PRPF40B: variants seen among roughly 807,000 people sequenced by gnomAD.
The protein encoded by PRPF40B is pre-mRNA-processing factor 40 homolog B.
A neutral mutation model predicts 124.5 loss-of-function variants in PRPF40B; 56 were observed. The observed-to-expected ratio is 0.45, with a 90% confidence interval of 0.36 to 0.56. The LOEUF is 0.56. Ranked by LOEUF, PRPF40B falls within the 20% of genes least tolerant of loss-of-function variation. PRPF40B has a pLI of 0.00. For synonymous variants in PRPF40B, 443 were observed against 426.4 expected, an observed-to-expected ratio of 1.04 and a Z score of -0.48; for missense variants, 1,053 against 1,169.5, an observed-to-expected ratio of 0.90 and a Z score of 1.45.
intron 18 of PRPF40B, chr12:49,641,659 T>C (rs1942669651): frequency 2.1e-6 from 1 of 486,342 alleles, no homozygotes; most frequent in East Asian, 3.3e-5. Flanking sequence ...AACTCAGCAT[T>C]AATCAGCAGT....
Position 49,642,728 on chromosome 12 carries a change from C to A in PRPF40B, c.2118+53C>A. ...CCTCAGGCCCTTGAACTCATTAGAC[C>A]AGTTCAACAGAGACCTCAGTGGCCT... On this transcript the variant is annotated intron_variant, in intron 21 of 25. Transcript: ENST00000548825. The surrounding 1 kb of genome is among the most constrained non-coding windows in gnomAD (Gnocchi z 5.8). 1 of 1,559,620 alleles carries A rather than the reference C, an allele frequency of 6.4e-7. No homozygotes were observed. The highest frequency in any genetic ancestry group is 8.7e-7 in the Non-Finnish European group (1 of 1,143,030).
rs539002537 is a variant in PRPF40B, at chr12:49,637,118, T to C, written c.1560+269T>C. ...CAGGCATGACTTGGCAGCTAGGCCA[T>C]GTTTATTTCCCTTGGTGGGGCACCC... On this transcript the variant is annotated intron_variant, in intron 16 of 25. Transcript: ENST00000548825. 2.6e-5 allele frequency: 15 copies of C among 587,000 alleles called. No homozygotes were observed. In the African/African-American group the frequency reaches 2.6e-4, roughly 10 times the overall value. The allele number at this position is 587,000 out of a possible 1,614,324, so 36.4% of individuals were successfully genotyped here.
At chr12:49,633,257 C>A in intron 7 of PRPF40B, 133 bp downstream of exon 7, 1 of 1,244,076 alleles carries the variant, frequency 8.0e-7, no homozygotes. Flanking sequence ...CCTCACCCTC[C>A]CTGGAAATGC....
chr12:49,641,439 AT>A (rs923794038), intron 18 of PRPF40B: 2 of 156,304 alleles, frequency 1.3e-5, no homozygotes, highest in African/African-American at 2.4e-5. Flanking sequence ...ACTAGGACCT[AT>A]TCTTAAATGT....
In PRPF40B at chr12:49,627,439, G is replaced by A. The variant is rs544012231; in HGVS notation, c.4-3106G>A. Among the ~76,000 whole-genome samples the A allele has an allele frequency of 1.1e-4, 17 of 152,264 alleles. 1 individual carries two copies. The highest frequency in any genetic ancestry group is 3.9e-4 in the African/African-American group (16 of 41,552). On this transcript the variant is annotated intron_variant, in intron 1 of 25. Transcript: ENST00000548825. ...GTTCAGGGAGTTGGGAAAAGCTTTC[G>A]TGAAGAAATGATTGGTAGATGTGAA... is the stretch of plus-strand genomic sequence containing the variant.
chr12:49,629,083 G>A (rs959646272), intron 1 of PRPF40B, among the ~76,000 whole-genome samples: 1 of 152,174 alleles, frequency 6.6e-6, no homozygotes, highest in African/African-American at 2.4e-5. Flanking sequence ...CAGTGAGTTT[G>A]TTTGTTTTTG....
At chr12:49,627,738 A>T (rs992343239) in intron 1 of PRPF40B, among the ~76,000 whole-genome samples, 1 of 152,176 alleles carries the variant, frequency 6.6e-6, no homozygotes, top group Non-Finnish European at 1.5e-5. Context: ...AGAGCTTGTT[A>T]TAGCTGCTGA....
rs1472453134 is a variant in PRPF40B, at chr12:49,644,212, C to T, written c.*20C>T. The T allele has an allele frequency of 6.2e-7, 1 of 1,613,582 alleles. No individual in the cohort carries two copies. The highest frequency in any genetic ancestry group is 8.5e-7 in the Non-Finnish European group (1 of 1,179,794). On this transcript the variant is annotated 3_prime_UTR_variant, in exon 26 of 26. Transcript: ENST00000548825. ...CAGTGACCCAATGAGCTGTTCTCTG[C>T]CTCGGGTCTGTGTGAGGCCATGGCT...
At position 49,642,516 on chromosome 12, in the gene PRPF40B, A is replaced by C; in HGVS notation, c.2023-64A>C. 1 of 1,592,464 alleles carries C rather than the reference A, an allele frequency of 6.3e-7. No individual in the cohort carries two copies. Among genetic ancestry groups the C allele is most frequent in the Non-Finnish European group, 8.6e-7 (1 of 1,161,318 alleles). On this transcript the variant is annotated intron_variant, in intron 20 of 25. Transcript: ENST00000548825. This position sits in a 1 kb window ranked among gnomAD's most constrained non-coding sequence, Gnocchi z 5.8. Reference sequence around the variant, plus strand: ...TCTGCCCCAGCCCTGCCCTGTGCTCATGGCGGTGTCCAGGCCAGGCTGAGT... The same window carrying C: ...TCTGCCCCAGCCCTGCCCTGTGCTCCTGGCGGTGTCCAGGCCAGGCTGAGT...
intron 4 of PRPF40B, 165 bp from the exon 5 acceptor site, chr12:49,632,431 C>A: frequency 1.4e-6 from 1 of 725,492 alleles, no homozygotes; most frequent in East Asian, 2.5e-5. Flanking sequence ...CTTGGGATCC[C>A]AGAGCTATGG....
chr12:49,630,406 G>A (rs751829188), intron 1 of PRPF40B, 139 bp from the exon 2 acceptor site: 1 of 692,512 alleles, frequency 1.4e-6, no homozygotes, highest in Non-Finnish European at 2.6e-6. Context: ...CTAAGGGCTT[G>A]GGGTGGGCAG....
Position 49,637,833 on chromosome 12 carries a change from G to A in PRPF40B, c.1767+9G>A. ...TTAAGGACATCCTTAAGGTGAGGGAGGCTGGGGTTATGGATGGATACAGGA... is the reference window on the plus strand; with the variant it reads ...TTAAGGACATCCTTAAGGTGAGGGAAGCTGGGGTTATGGATGGATACAGGA... On this transcript the variant is annotated intron_variant, in intron 18 of 25. Coordinates refer to ENST00000548825, the MANE Select transcript of PRPF40B (RefSeq NM_001031698.3). The A allele has an allele frequency of 6.3e-7, 1 of 1,594,576 alleles. No homozygotes were observed. Among genetic ancestry groups the A allele is most frequent in the Non-Finnish European group, 8.6e-7 (1 of 1,162,918 alleles).
chr12:49,636,997 G>T lies in PRPF40B; in HGVS notation c.1560+148G>T, dbSNP rs1017789212. The T allele has an allele frequency of 4.2e-6, 5 of 1,194,392 alleles. No individual in the cohort carries two copies. The East Asian group carries it at 1.3e-4, about 30-fold the overall frequency. The allele number at this position is 1,194,392 out of a possible 1,614,324, so 74.0% of individuals were successfully genotyped here. A position where few individuals can be genotyped will look rare whatever the true frequency, so the allele number is the denominator to read the frequency against. The stretch of plus-strand genomic sequence containing the variant: ...TCTATGAGACCTCTCTCTGCCTGCA[G>T]TCTGTTTCTGCTGTACCTCCTCAAT... On this transcript the variant is annotated intron_variant, in intron 16 of 25. Coordinates refer to ENST00000548825, the MANE Select transcript of PRPF40B (RefSeq NM_001031698.3).
At chr12:49,641,170 G>A (rs902341203) in intron 18 of PRPF40B, 2 of 152,208 alleles carry the variant, frequency 1.3e-5, no homozygotes, top group African/African-American at 4.8e-5. Flanking sequence ...CTGGAATGTT[G>A]TGAGGCCTAA....
chr12:49,622,815 T>TCACTCTCCA (rs1940327310), upstream of PRPF40B: 1 of 152,312 alleles, frequency 6.6e-6, no homozygotes, highest in Admixed American at 6.5e-5. Context: ...TGCACCCGTG[T>TCACTCTCCA]GCCTGGGGCC....
chr12:49,623,282 GA>G, upstream of PRPF40B: 1 of 166,316 alleles, frequency 6.0e-6, no homozygotes, highest in African/African-American at 2.4e-5. Context: ...AGGCAGCGGG[GA>G]GAGGCAGAGG....
chr12:49,630,436 C>A, intron 1 of PRPF40B, 109 bp from the exon 2 acceptor site: 1 of 702,970 alleles, frequency 1.4e-6, no homozygotes. Context: ...CTTGAAGACC[C>A]TCCTGAATTT....
At chr12:49,643,828 G>A (rs1338638580) in intron 24 of PRPF40B, 33 bp from the exon 25 acceptor site, 2 of 1,614,036 alleles carry the variant, frequency 1.2e-6, no homozygotes, top group Admixed American at 3.3e-5. Flanking sequence ...GCTATCCACA[G>A]GAACTGAGGA....
chr12:49,636,016 A>G, intron 15 of PRPF40B, 23 bp downstream of exon 15: 1 of 1,613,348 alleles, frequency 6.2e-7, no homozygotes, highest in Non-Finnish European at 8.5e-7. Flanking sequence ...CTCCAATCCC[A>G]GCTATCCCTT....
Sources: gnomAD v4.1 joint callset for allele counts (sites outside exome capture counted in the v4.1 genomes callset) on GRCh38, gnomAD v4.1.1 for gene constraint, Gnocchi (gnomAD v3.1) non-coding constraint, MANE v1.5 for transcripts, NCBI Gene and HGNC (gene_info 2026-07-23, HGNC 2026-07-21) for gene names.